The following RNF121 variants were observed in gnomAD, a reference collection of about 807,000 sequenced individuals.
The protein encoded by RNF121 is ring finger protein 121, also known as E3 ubiquitin ligase RNF121.
In RNF121, 21 loss-of-function variants were observed where a neutral mutation model predicts 46.5. That is an observed-to-expected ratio of 0.45 (90% CI 0.32 to 0.65). The LOEUF (loss-of-function observed/expected upper bound fraction) is 0.65. Among genes scored for constraint, RNF121 ranks in the 30% least tolerant of loss-of-function variants. The probability of loss-of-function intolerance (pLI) is 0.04; values close to 1 mark genes in which losing one functional copy is unlikely to be tolerated. For missense variants in RNF121, 346 were observed against 416.0 expected, an observed-to-expected ratio of 0.83 and a Z score of 1.46; for synonymous variants, 139 against 144.7, an observed-to-expected ratio of 0.96 and a Z score of 0.28.
intron 1 of RNF121, among the ~76,000 whole-genome samples, chr11:71,949,389 G>T (rs1464345046): frequency 6.6e-6 from 1 of 152,128 alleles, no homozygotes; most frequent in African/African-American, 2.4e-5. Flanking sequence ...CGGCACTCCA[G>T]CTTGGGCGAC....
chr11:71,961,158 A>G (rs1038632640), intron 3 of RNF121, among the ~76,000 whole-genome samples: 1 of 152,196 alleles, frequency 6.6e-6, no homozygotes, highest in African/African-American at 2.4e-5. Flanking sequence ...AGGTTCATGA[A>G]GGAGATAATC....
At chr11:71,955,528 C>T (rs1007150834) in intron 1 of RNF121, among the ~76,000 whole-genome samples, 6 of 152,070 alleles carry the variant, frequency 3.9e-5, no homozygotes, top group African/African-American at 1.2e-4. Context: ...AGGAAAGTTG[C>T]AGTTGGAGCT....
At chr11:71,972,214 T>C (rs1037201127) in intron 3 of RNF121, among the ~76,000 whole-genome samples, 1 of 152,006 alleles carries the variant, frequency 6.6e-6, no homozygotes, top group Non-Finnish European at 1.5e-5. Context: ...AACAAAAATA[T>C]ACATGTGAAG....
chr11:71,978,845 G>C (rs760765831), intron 3 of RNF121, among the ~76,000 whole-genome samples: 2 of 152,124 alleles, frequency 1.3e-5, no homozygotes, highest in East Asian at 3.8e-4. Context: ...AGAGTTAAAC[G>C]ATCTGCCTAA....
chr11:71,947,583 G>C (rs1007336296), intron 1 of RNF121, among the ~76,000 whole-genome samples: 4 of 152,178 alleles, frequency 2.6e-5, no homozygotes, highest in African/African-American at 4.8e-5. Context: ...AGGGATGAAA[G>C]AGATAGATAG....
intron 6 of RNF121, among the ~76,000 whole-genome samples, chr11:71,992,314 C>T (rs1446389503): frequency 3.3e-5 from 5 of 152,178 alleles, no homozygotes; most frequent in African/African-American, 1.2e-4. Context: ...TACTGCTTTA[C>T]CAAAAATTGG....
chr11:71,993,434 G>A (rs1490038954), intron 6 of RNF121, among the ~76,000 whole-genome samples: 1 of 151,204 alleles, frequency 6.6e-6, no homozygotes, highest in Admixed American at 6.6e-5. Context: ...CATGCCTATT[G>A]TAGATATTTC....
chr11:71,965,774 C>T (rs1590794206), intron 3 of RNF121, among the ~76,000 whole-genome samples: 1 of 152,030 alleles, frequency 6.6e-6, no homozygotes, highest in Non-Finnish European at 1.5e-5. Context: ...GCCAAATTGC[C>T]CTCCAAGAAA....
intron 1 of RNF121, among the ~76,000 whole-genome samples, chr11:71,955,473 A>T (rs1953970290): frequency 6.6e-6 from 1 of 152,182 alleles, no homozygotes; most frequent in Non-Finnish European, 1.5e-5. Context: ...AGAAATATCC[A>T]TGCTGGAGAA....
chr11:71,980,177 G>C (rs555371012), intron 3 of RNF121, among the ~76,000 whole-genome samples: 1 of 152,180 alleles, frequency 6.6e-6, no homozygotes, highest in Admixed American at 6.5e-5. Context: ...CAGAGAGTCA[G>C]TTGTGGGTTC....
chr11:71,990,438 A>G (rs943011014), intron 5 of RNF121, among the ~76,000 whole-genome samples, 159 bp from the exon 6 acceptor site: 1 of 152,224 alleles, frequency 6.6e-6, no homozygotes, highest in Non-Finnish European at 1.5e-5. Context: ...TGGGCCATAT[A>G]AAAATAGACA....
At chr11:71,952,143 C>T (rs534824535) in intron 1 of RNF121, among the ~76,000 whole-genome samples, 17 of 152,198 alleles carry the variant, frequency 1.1e-4, no homozygotes, top group Non-Finnish European at 2.4e-4. Context: ...GCAATACAAA[C>T]GAATGAACTA....
intron 3 of RNF121, among the ~76,000 whole-genome samples, chr11:71,979,165 C>T (rs2134201179): frequency 6.6e-6 from 1 of 152,258 alleles, no homozygotes; most frequent in East Asian, 1.9e-4. Flanking sequence ...CTCTACTCTC[C>T]TAGGAAGTCT....
At chr11:71,977,642 A>G (rs992344698) in intron 3 of RNF121, among the ~76,000 whole-genome samples, 24 of 152,218 alleles carry the variant, frequency 1.6e-4, no homozygotes, top group Non-Finnish European at 2.4e-4. Context: ...TTGCACATTC[A>G]GGGAGAGAAG....
chr11:71,987,533 G>A (rs1954793876), intron 5 of RNF121, among the ~76,000 whole-genome samples: 1 of 152,140 alleles, frequency 6.6e-6, no homozygotes, highest in Non-Finnish European at 1.5e-5. Context: ...TGCCCTCTGT[G>A]CCAAATCAGC....
chr11:71,936,459 G>A (rs892137329), intron 1 of RNF121, among the ~76,000 whole-genome samples: 1 of 151,442 alleles, frequency 6.6e-6, no homozygotes, highest in South Asian at 2.1e-4. Context: ...GCACGATCTC[G>A]GCTCACTGCA....
At chr11:71,935,674 T>C (rs1953387151) in intron 1 of RNF121, among the ~76,000 whole-genome samples, 1 of 152,184 alleles carries the variant, frequency 6.6e-6, no homozygotes, top group Non-Finnish European at 1.5e-5. Context: ...ACCTCAGTTT[T>C]TAATCTGTGA....
intron 1 of RNF121, among the ~76,000 whole-genome samples, chr11:71,952,818 A>AT (rs1953914922): frequency 6.6e-6 from 1 of 151,698 alleles, no homozygotes; most frequent in East Asian, 1.9e-4. Flanking sequence ...AAAAAAAAAA[A>AT]TTTCATAAAT....
intron 5 of RNF121, among the ~76,000 whole-genome samples, chr11:71,990,278 A>C (rs1050069350): frequency 6.6e-6 from 1 of 152,198 alleles, no homozygotes; most frequent in Admixed American, 6.5e-5. Flanking sequence ...GTAGGTCCCG[A>C]TGAGCATAGG....
Sources: gnomAD v4.1 joint callset for allele counts (sites outside exome capture counted in the v4.1 genomes callset) on GRCh38, gnomAD v4.1.1 for gene constraint, MANE v1.5 for transcripts, NCBI Gene and HGNC (gene_info 2026-07-23, HGNC 2026-07-21) for gene names.